Variants in RAPGEF1 observed in about 807,000 individuals in gnomAD.
RAPGEF1 encodes the protein CRK SH3-binding GNRP.
A neutral mutation model predicts 143.3 loss-of-function variants in RAPGEF1; 33 were observed. The observed-to-expected ratio is 0.23, with a 90% CI of 0.17 to 0.31. The LOEUF is 0.31. Ranked by LOEUF, RAPGEF1 falls within the 10% of genes least tolerant of loss-of-function variation. The probability of loss-of-function intolerance (pLI) is 1.00; values close to 1 mark genes in which losing one functional copy is unlikely to be tolerated. For synonymous variants in RAPGEF1, 629 were observed against 676.5 expected (o/e 0.93, Z 1.09); for missense variants, 1,199 against 1,645.4 (o/e 0.73, Z 4.69).
At chr9:131,590,089 A>T in intron 18 of RAPGEF1, 111 bp from the exon 19 acceptor site, 1 of 948,142 alleles carries the variant, frequency 1.1e-6, no homozygotes. Flanking sequence ...ATCTTCCTGC[A>T]TGTAAAGCAC....
intron 5 of RAPGEF1, among the ~76,000 whole-genome samples, chr9:131,637,026 G>C (rs189195122): frequency 2.3e-4 from 35 of 152,220 alleles, no homozygotes; most frequent in Middle Eastern, 3.4e-3. Flanking sequence ...AGGAGTTCGA[G>C]ACCAGCCTGG....
At chr9:131,676,560 G>A (rs181612466) in intron 1 of RAPGEF1, among the ~76,000 whole-genome samples, 2 of 152,330 alleles carry the variant, frequency 1.3e-5, no homozygotes, top group African/African-American at 4.8e-5. Flanking sequence ...CACATACCTG[G>A]AACGACACCT....
In RAPGEF1 at chr9:131,605,050, C is replaced by T. The variant is rs370266764; in HGVS notation, c.2200G>A (p.Val734Met). The T allele has an allele frequency of 4.8e-5, 65 of 1,364,598 alleles. No individual in the cohort carries two copies. The highest frequency in any genetic ancestry group is 2.1e-4 in the Middle Eastern group (1 of 4,786). The allele number at this position is 1,364,598 out of a possible 1,614,324, so 84.5% of individuals were successfully genotyped here. A position where few individuals can be genotyped will look rare whatever the true frequency, so the allele number is the denominator to read the frequency against. ...AHQSQSSDLA[V>M]PTMAGPPPST... ...GGAGGTGGACCGGCCATGGTTGGCA[C>T]GGCTAAGTCAGAGCTCTGAGACTGG... Residue 734 changes from valine to methionine, a missense_variant, in exon 13 of 27, where the codon GTG (valine) becomes ATG (methionine). By Grantham distance (21) the Val-to-Met change is conservative (BLOSUM62 1). Coordinates refer to ENST00000683357, the MANE Select transcript of RAPGEF1 (RefSeq NM_001377935.1).
intron 5 of RAPGEF1, among the ~76,000 whole-genome samples, chr9:131,632,379 G>A (rs1318474077): frequency 2.0e-5 from 3 of 149,758 alleles, no homozygotes; most frequent in East Asian, 2.0e-4. Flanking sequence ...CGCCCGCCTC[G>A]GCCTCCCAAA....
chr9:131,623,641 C>A (rs527801951), intron 10 of RAPGEF1, among the ~76,000 whole-genome samples: 1 of 152,342 alleles, frequency 6.6e-6, no homozygotes, highest in South Asian at 2.1e-4. Flanking sequence ...GCTCCTAACA[C>A]AGCCAGCATT....
intron 1 of RAPGEF1, among the ~76,000 whole-genome samples, chr9:131,689,395 A>G (rs530406184): frequency 1.3e-5 from 2 of 152,284 alleles, no homozygotes; most frequent in South Asian, 4.1e-4. Context: ...CTGGAATGGC[A>G]TTTCCTGAAC....
rs750107357 is a variant in RAPGEF1, at chr9:131,596,380, T to C, written c.2614-7A>G. ...CGTCCGGCCCGTCATCACCCTGTAA[T>C]GAACACAGCCAAGGAAGGTATGAGG... On this transcript the variant is annotated splice_region_variant and splice_polypyrimidine_tract_variant and intron_variant, in intron 16 of 26. Transcript: ENST00000683357. The C allele has an allele frequency of 6.2e-7, 1 of 1,613,908 alleles. No homozygotes were observed. Among genetic ancestry groups the C allele is most frequent in the Non-Finnish European group, 8.5e-7 (1 of 1,179,840 alleles).
chr9:131,592,307 C>T (rs1279362578), intron 17 of RAPGEF1, 124 bp from the exon 18 acceptor site: 11 of 679,720 alleles, frequency 1.6e-5, no homozygotes, highest in South Asian at 1.1e-4. Flanking sequence ...GTGGGATGGG[C>T]GAGGGAGCCG....
At position 131,626,383 on chromosome 9, in the gene RAPGEF1, A is replaced by G; in HGVS notation, c.1241T>C (p.Leu414Pro). 6.2e-7 allele frequency: 1 copy of G among 1,606,478 alleles called. No homozygotes were observed. Among genetic ancestry groups the G allele is most frequent in the Non-Finnish European group, 8.5e-7 (1 of 1,174,728 alleles). ...CTGAGGTATCTGGTCTGCGTTAGAG[A>G]GGTCTTGCTGGAGGAATTCATAGTC... ...DPDYEFLQQD[L>P]SNADQIPQQT... Residue 414 changes from leucine (L) to proline (P), a missense_variant, in exon 10 of 27, where the codon CTC (leucine) becomes CCC (proline). This residue lies in a region of RAPGEF1 where 613 missense variants were observed against 710.9 expected (regional missense o/e 0.86). Transcript: ENST00000683357.
At chr9:131,659,722 T>G (rs1409332790) in intron 1 of RAPGEF1, among the ~76,000 whole-genome samples, 1 of 152,242 alleles carries the variant, frequency 6.6e-6, no homozygotes, top group Non-Finnish European at 1.5e-5. Context: ...GCAGCTATTA[T>G]TGTCATGTGA....
intron 1 of RAPGEF1, among the ~76,000 whole-genome samples, chr9:131,691,038 C>T (rs550666505): frequency 4.6e-5 from 7 of 152,234 alleles, no homozygotes; most frequent in East Asian, 1.9e-4. Flanking sequence ...CAATTTCTTG[C>T]GCTTTGCATT....
At chr9:131,579,679 C>T (rs1354492081) in intron 26 of RAPGEF1, 32 bp from the exon 27 acceptor site, 2 of 1,608,852 alleles carry the variant, frequency 1.2e-6, no homozygotes, top group Non-Finnish European at 1.7e-6. Flanking sequence ...AGTCAGTGAG[C>T]ACCTGTGTGG....
intron 1 of RAPGEF1, among the ~76,000 whole-genome samples, chr9:131,725,765 T>G (rs1445163457): frequency 6.6e-6 from 1 of 151,148 alleles, no homozygotes; most frequent in African/African-American, 2.4e-5. Flanking sequence ...GTTGTGTTTT[T>G]TTTTTTTTTT....
At chr9:131,703,003 G>A (rs918918784) in intron 1 of RAPGEF1, among the ~76,000 whole-genome samples, 5 of 152,126 alleles carry the variant, frequency 3.3e-5, no homozygotes, top group African/African-American at 7.2e-5. Context: ...CACTTTTGCC[G>A]CCTCACTATG....
chr9:131,680,779 T>C (rs1302742311), intron 1 of RAPGEF1, among the ~76,000 whole-genome samples: 3 of 152,210 alleles, frequency 2.0e-5, no homozygotes, highest in African/African-American at 7.2e-5. Context: ...CTGAAGACTG[T>C]GAGACCCCTG....
intron 18 of RAPGEF1, 143 bp from the exon 19 acceptor site, chr9:131,590,121 C>T (rs201421559): frequency 3.1e-5 from 22 of 714,670 alleles, no homozygotes; most frequent in East Asian, 8.2e-5. Flanking sequence ...AACGAGGGCA[C>T]GGGACTAGCG....
At chr9:131,580,414 C>G in intron 25 of RAPGEF1, 23 bp from the exon 26 acceptor site, 1 of 1,609,822 alleles carries the variant, frequency 6.2e-7, no homozygotes, top group Non-Finnish European at 8.5e-7. Context: ...GTTAGGCAGC[C>G]TGTTACTGCT....
Position 131,584,173 on chromosome 9 carries a change from C to T in RAPGEF1, c.3414+138G>A, listed in dbSNP as rs1952326058. The stretch of plus-strand genomic sequence containing the variant: ...CGGGAGGGCAGCTGTTCTGGTCACA[C>T]AGCATGTCGGTGGCAGAGCAGGGGC... On this transcript the variant is annotated intron_variant, in intron 24 of 26. Transcript: ENST00000683357. This position sits in a 1 kb window ranked among gnomAD's most constrained non-coding sequence, Gnocchi z 6.8. The T allele has an allele frequency of 2.6e-6, 2 of 774,430 alleles. No individual in the cohort carries two copies. The highest frequency in any genetic ancestry group is 3.7e-4 in the Middle Eastern group (1 of 2,668). 48.0% of individuals were successfully genotyped at this position (774,430 alleles called of 1,614,324 possible).
intron 4 of RAPGEF1, among the ~76,000 whole-genome samples, chr9:131,639,721 C>T (rs1284691144): frequency 6.6e-6 from 1 of 151,694 alleles, no homozygotes; most frequent in African/African-American, 2.4e-5. Context: ...CAAAAAAACA[C>T]ACAAAAAACA....
Sources: gnomAD v4.1 joint callset for allele counts (sites outside exome capture counted in the v4.1 genomes callset) on GRCh38, gnomAD v4.1.1 for gene constraint, gnomAD v4.1.1 regional missense constraint, Gnocchi (gnomAD v3.1) non-coding constraint, MANE v1.5 for transcripts, NCBI Gene and HGNC (gene_info 2026-07-23, HGNC 2026-07-21) for gene names.